PIP5K1B: variants seen among roughly 807,000 people sequenced by gnomAD.
The protein encoded by PIP5K1B is phosphatidylinositol-4-phosphate 5-kinase type 1 beta, also known as phosphatidylinositol 4-phosphate 5-kinase type-1 beta.
A neutral mutation model predicts 67.0 loss-of-function variants in PIP5K1B; 42 were observed. That is an observed-to-expected ratio of 0.63 (90% CI 0.49 to 0.81). PIP5K1B has a LOEUF of 0.81. Ranked by LOEUF, PIP5K1B falls within the 30% of genes least tolerant of loss-of-function variation. The pLI is 0.00. For synonymous variants in PIP5K1B, 214 were observed against 231.4 expected (o/e 0.92, Z 0.68); for missense variants, 459 against 646.3 (o/e 0.71, Z 3.14).
At chr9:68,914,454 G>A (rs981086234) in intron 8 of PIP5K1B, among the ~76,000 whole-genome samples, 29 of 152,176 alleles carry the variant, frequency 1.9e-4, no homozygotes, top group African/African-American at 5.1e-4. Flanking sequence ...AGTGGCTCAC[G>A]CCTGTAATCC....
At chr9:68,930,214 C>G (rs1826923874) in intron 12 of PIP5K1B, among the ~76,000 whole-genome samples, 1 of 152,136 alleles carries the variant, frequency 6.6e-6, no homozygotes, top group South Asian at 2.1e-4. Flanking sequence ...CCCTGTTCTC[C>G]CAAGGGTTCA....
intron 2 of PIP5K1B, chr9:68,780,851 T>C: frequency 6.2e-7 from 1 of 1,614,262 alleles, no homozygotes; most frequent in Non-Finnish European, 8.5e-7. Flanking sequence ...CTTCTGACGT[T>C]GCACAGCTGT....
chr9:68,923,538 T>A (rs749181978), intron 12 of PIP5K1B, 152 bp downstream of exon 12: 29 of 564,902 alleles, frequency 5.1e-5, no homozygotes, highest in Non-Finnish European at 8.4e-5. Flanking sequence ...AGGTGTTTAT[T>A]GATGCCATAA....
chr9:68,705,445 A>G lies in PIP5K1B; in HGVS notation c.-560A>G, dbSNP rs958021816. The G allele has an allele frequency of 7.3e-5, 11 of 151,692 alleles. No individual in the cohort carries two copies. Among genetic ancestry groups the G allele is most frequent in the Non-Finnish European group, 1.5e-4 (10 of 68,114 alleles). The allele number at this position is 151,692 out of a possible 1,614,324, so 9.4% of individuals were successfully genotyped here. ...CGTCTGGCCGGAGGACCGGCGGGGA[A>G]GGAAGGGGAAAGCGGGGACACACAC... is the stretch of plus-strand genomic sequence containing the variant. On this transcript the variant is annotated 5_prime_UTR_variant, in exon 1 of 16. Coordinates refer to ENST00000265382, the MANE Select transcript of PIP5K1B (RefSeq NM_003558.4).
intron 6 of PIP5K1B, among the ~76,000 whole-genome samples, chr9:68,882,689 C>A (rs906267726): frequency 3.3e-5 from 5 of 152,176 alleles, no homozygotes; most frequent in Non-Finnish European, 7.3e-5. Flanking sequence ...ACAACATAAA[C>A]TCCTACCCAT....
chr9:68,877,654 A>G (rs1823965887), intron 6 of PIP5K1B, among the ~76,000 whole-genome samples: 1 of 152,264 alleles, frequency 6.6e-6, no homozygotes, highest in South Asian at 2.1e-4. Context: ...CTTAATATGC[A>G]TCTTATAATT....
At chr9:68,948,036 C>A (rs1827886669) in intron 14 of PIP5K1B, among the ~76,000 whole-genome samples, 1 of 152,162 alleles carries the variant, frequency 6.6e-6, no homozygotes, top group Admixed American at 6.5e-5. Flanking sequence ...GTGAACCCAC[C>A]ACCCCTGCAA....
At chr9:68,989,493 G>A (rs764774715) in intron 14 of PIP5K1B, among the ~76,000 whole-genome samples, 1 of 151,452 alleles carries the variant, frequency 6.6e-6, no homozygotes, top group Non-Finnish European at 1.5e-5. Flanking sequence ...ATGGCCAATG[G>A]CCAGCCTTCT....
At chr9:68,716,178 C>G (rs1254388008) in intron 1 of PIP5K1B, among the ~76,000 whole-genome samples, 1 of 152,186 alleles carries the variant, frequency 6.6e-6, no homozygotes, top group African/African-American at 2.4e-5. Flanking sequence ...TATGGACATG[C>G]AGTTGAAAGG....
intron 5 of PIP5K1B, among the ~76,000 whole-genome samples, chr9:68,871,137 C>T (rs1377980450): frequency 7.9e-5 from 12 of 152,156 alleles, no homozygotes. Flanking sequence ...ACCAACTGAC[C>T]AAAGCTTCTG....
At chr9:68,875,015 T>A (rs972209624) in intron 5 of PIP5K1B, among the ~76,000 whole-genome samples, 4 of 152,098 alleles carry the variant, frequency 2.6e-5, no homozygotes, top group Admixed American at 6.6e-5. Flanking sequence ...TTTAATCCCC[T>A]CCTAAATCCC....
chr9:68,814,002 GAA>G, intron 2 of PIP5K1B, among the ~76,000 whole-genome samples: 1 of 152,308 alleles, frequency 6.6e-6, no homozygotes, highest in South Asian at 2.1e-4. Context: ...AAAGATGAGG[GAA>G]GGCGCACAAA....
At chr9:68,893,549 G>A (rs1361557348) in intron 7 of PIP5K1B, among the ~76,000 whole-genome samples, 1 of 151,950 alleles carries the variant, frequency 6.6e-6, no homozygotes, top group Admixed American at 6.5e-5. Flanking sequence ...AGCCAGGCTG[G>A]TCTCGAACTC....
chr9:68,987,124 C>T (rs1431106873), intron 14 of PIP5K1B, among the ~76,000 whole-genome samples: 3 of 151,966 alleles, frequency 2.0e-5, no homozygotes, highest in Non-Finnish European at 4.4e-5. Flanking sequence ...GGGTGGCATA[C>T]GCCTGTAATC....
At chr9:68,753,670 G>C (rs1301120172) in intron 2 of PIP5K1B, among the ~76,000 whole-genome samples, 6 of 151,846 alleles carry the variant, frequency 4.0e-5, no homozygotes, top group African/African-American at 1.5e-4. Context: ...GACTCCAGGC[G>C]CCAGCCACCA....
intron 12 of PIP5K1B, among the ~76,000 whole-genome samples, chr9:68,930,789 A>G (rs1398365377): frequency 6.6e-6 from 1 of 152,168 alleles, no homozygotes; most frequent in Non-Finnish European, 1.5e-5. Flanking sequence ...GCTAAAGGAA[A>G]TAAACGTCCA....
intron 4 of PIP5K1B, among the ~76,000 whole-genome samples, chr9:68,844,121 A>G (rs1822060069): frequency 6.6e-6 from 1 of 152,246 alleles, no homozygotes; most frequent in Non-Finnish European, 1.5e-5. Context: ...GGGCCTAAAC[A>G]AGAGAGAGGC....
chr9:68,779,668 C>G (rs1831115212), intron 2 of PIP5K1B, among the ~76,000 whole-genome samples: 1 of 152,216 alleles, frequency 6.6e-6, no homozygotes. Flanking sequence ...GGCTGGGTAG[C>G]CGTTGCTTCC....
At chr9:68,946,373 C>T (rs754788930) in intron 14 of PIP5K1B, among the ~76,000 whole-genome samples, 2 of 151,942 alleles carry the variant, frequency 1.3e-5, no homozygotes, top group Non-Finnish European at 2.9e-5. Flanking sequence ...CCTCTCCAGA[C>T]TCTTTGTTCT....
Sources: allele counts gnomAD v4.1 joint callset (sites outside exome capture counted in the v4.1 genomes callset), GRCh38; gene constraint gnomAD v4.1.1; transcripts MANE v1.5; gene names NCBI Gene and HGNC (gene_info 2026-07-23, HGNC 2026-07-21).